The following AFTPH variants were observed in gnomAD, a reference collection of about 807,000 sequenced individuals.
AFTPH encodes aftiphilin.
In AFTPH, 7 loss-of-function variants were observed where a neutral mutation model predicts 72.5. That is an observed-to-expected ratio of 0.10 (90% CI 0.05 to 0.18). The LOEUF (loss-of-function observed/expected upper bound fraction) is 0.18, where lower values mean the gene tolerates loss of function less well. AFTPH is among the 10% of genes least tolerant of loss of function. The pLI is 1.00. For synonymous variants in AFTPH, 337 were observed against 370.1 expected, an observed-to-expected ratio of 0.91 and a Z score of 1.03; for missense variants, 979 against 1,060.5, an observed-to-expected ratio of 0.92 and a Z score of 1.07.
exon 2 of AFTPH, chr2:64,552,887 T>C (rs1292429749): frequency 6.2e-7 from 1 of 1,614,088 alleles, no homozygotes; most frequent in African/African-American, 1.3e-5. Flanking sequence ...TTCCACATTT[T>C]AGTGAACCAG....
At chr2:64,567,399 T>G (rs907959449) in intron 2 of AFTPH, among the ~76,000 whole-genome samples, 163 bp from the exon 3 acceptor site, 1 of 152,214 alleles carries the variant, frequency 6.6e-6, no homozygotes, top group Non-Finnish European at 1.5e-5. Flanking sequence ...TTAGAGTGAT[T>G]GTTTCATGAG....
At chr2:64,537,706 C>T (rs912161928) in intron 1 of AFTPH, among the ~76,000 whole-genome samples, 2 of 152,028 alleles carry the variant, frequency 1.3e-5, no homozygotes, top group African/African-American at 4.8e-5. Flanking sequence ...TAGCATGCTT[C>T]CTAGATTGAA....
At chr2:64,573,220 T>C in intron 6 of AFTPH, 152 bp downstream of exon 6, 1 of 649,214 alleles carries the variant, frequency 1.5e-6, no homozygotes. Flanking sequence ...TTAACATCCC[T>C]TGGAATACAA....
intron 1 of AFTPH, among the ~76,000 whole-genome samples, chr2:64,545,642 A>G (rs1572962574): frequency 6.9e-6 from 1 of 144,726 alleles, no homozygotes; most frequent in Non-Finnish European, 1.5e-5. Flanking sequence ...GGCAGCAACC[A>G]GAATGGACCT....
intron 5 of AFTPH, among the ~76,000 whole-genome samples, chr2:64,571,919 T>G (rs1672455692): frequency 6.6e-6 from 1 of 150,800 alleles, no homozygotes; most frequent in African/African-American, 2.4e-5. Context: ...TTTTTCTTAC[T>G]CAAAAAGCAT....
chr2:64,570,073 T>C (rs990667061), intron 5 of AFTPH, among the ~76,000 whole-genome samples: 1 of 152,194 alleles, frequency 6.6e-6, no homozygotes, highest in Non-Finnish European at 1.5e-5. Context: ...TAGATGTACA[T>C]AAAAGCTTAG....
At chr2:64,531,967 A>G (rs1346986096) in intron 1 of AFTPH, among the ~76,000 whole-genome samples, 1 of 152,232 alleles carries the variant, frequency 6.6e-6, no homozygotes, top group Non-Finnish European at 1.5e-5. Context: ...TACATATTAC[A>G]TTTAAACCTC....
At chr2:64,536,951 CAA>C (rs70937353) in intron 1 of AFTPH, among the ~76,000 whole-genome samples, 7,378 of 81,842 alleles carry the variant, frequency 0.09, 251 homozygotes, top group East Asian at 0.28. Context: ...GACTCTGTCT[CAA>C]AAAAAAAAAA....
chr2:64,585,070 T>C (rs1558633488), intron 7 of AFTPH, among the ~76,000 whole-genome samples: 1 of 152,244 alleles, frequency 6.6e-6, no homozygotes, highest in Non-Finnish European at 1.5e-5. Flanking sequence ...ATGTGCATTC[T>C]ATTTATAAAA....
chr2:64,566,324 TTACAAAAGAG>T (rs1672089441), intron 2 of AFTPH, among the ~76,000 whole-genome samples: 1 of 152,166 alleles, frequency 6.6e-6, no homozygotes, highest in South Asian at 2.1e-4. Flanking sequence ...TTTTGTAGAA[TTACAAAAGAG>T]TACCCTAAGA....
intron 1 of AFTPH, among the ~76,000 whole-genome samples, chr2:64,531,167 G>A (rs968539269): frequency 1.3e-5 from 2 of 151,918 alleles, no homozygotes; most frequent in African/African-American, 2.4e-5. Context: ...CACTAATGTG[G>A]GTTTTCCAGA....
intron 7 of AFTPH, among the ~76,000 whole-genome samples, chr2:64,582,640 A>C (rs1313178287): frequency 6.6e-6 from 1 of 152,190 alleles, no homozygotes; most frequent in Non-Finnish European, 1.5e-5. Flanking sequence ...AGGAGGGACA[A>C]CCAAAAACAT....
intron 2 of AFTPH, among the ~76,000 whole-genome samples, chr2:64,565,614 G>C (rs1014588344): frequency 2.6e-5 from 4 of 152,014 alleles, no homozygotes; most frequent in African/African-American, 9.7e-5. Flanking sequence ...GGCAAACCAT[G>C]ACCCACAGGA....
Position 64,569,079 on chromosome 2 carries a change from A to G in AFTPH, c.2088-13A>G, listed in dbSNP as rs1434038662. Reference sequence around the variant, plus strand: ...GTAACCTGTTGTTGATGGCTTCATCATGGCCTTTGCAGGGAATTGCTAGAT... The same window carrying G: ...GTAACCTGTTGTTGATGGCTTCATCGTGGCCTTTGCAGGGAATTGCTAGAT... On this transcript the variant is annotated splice_polypyrimidine_tract_variant and intron_variant, in intron 3 of 8. Coordinates refer to ENST00000238856, the Ensembl canonical transcript of AFTPH. 3.1e-6 allele frequency: 5 copies of G among 1,613,952 alleles called. No individual in the cohort carries two copies. Among genetic ancestry groups the G allele is most frequent in the Non-Finnish European group, 4.2e-6 (5 of 1,179,898 alleles).
At chr2:64,571,564 A>C (rs1249319744) in intron 5 of AFTPH, among the ~76,000 whole-genome samples, 1 of 152,134 alleles carries the variant, frequency 6.6e-6, no homozygotes, top group African/African-American at 2.4e-5. Context: ...TACTGTTAAG[A>C]ATTGATTCTG....
intron 1 of AFTPH, among the ~76,000 whole-genome samples, chr2:64,541,793 CTT>C (rs1312640126): frequency 6.6e-6 from 1 of 152,098 alleles, no homozygotes; most frequent in Non-Finnish European, 1.5e-5. Flanking sequence ...TACGGTTTTT[CTT>C]TTTTGTTTTT....
At chr2:64,553,552 GT>G in intron 2 of AFTPH, 143 bp downstream of exon 2, 1 of 920,812 alleles carries the variant, frequency 1.1e-6, no homozygotes, top group Non-Finnish European at 1.5e-6. Flanking sequence ...TGATTTGTGG[GT>G]TGGTTACATT....
At chr2:64,584,334 TGGG>T (rs766488366) in intron 7 of AFTPH, among the ~76,000 whole-genome samples, 3 of 152,142 alleles carry the variant, frequency 2.0e-5, no homozygotes, top group Non-Finnish European at 4.4e-5. Context: ...TGCAGTCAGA[TGGG>T]GGAGATTTTT....
chr2:64,590,775 A>C (rs1673783875), intron 8 of AFTPH, among the ~76,000 whole-genome samples: 1 of 152,192 alleles, frequency 6.6e-6, no homozygotes, highest in African/African-American at 2.4e-5. Context: ...ATTCTATAAA[A>C]TCTTTTTATT....
Sources: allele counts gnomAD v4.1 joint callset (sites outside exome capture counted in the v4.1 genomes callset), GRCh38; gene constraint gnomAD v4.1.1; transcripts MANE v1.5; gene names NCBI Gene and HGNC (gene_info 2026-07-23, HGNC 2026-07-21).